TMEM123: variants seen among roughly 807,000 people sequenced by gnomAD.
The protein encoded by TMEM123 is porimin.
TMEM123 carries 16 observed loss-of-function variants against 19.7 expected under a neutral mutation model. That is an observed-to-expected ratio of 0.81 (90% confidence interval 0.55 to 1.23). The LOEUF (loss-of-function observed/expected upper bound fraction) is 1.23, where lower values mean the gene tolerates loss of function less well. Ranked by LOEUF, TMEM123 falls within the 50% of genes most tolerant of loss-of-function variation. The pLI is 0.00. For synonymous variants in TMEM123, 118 were observed against 99.4 expected (o/e 1.19, Z -1.12); for missense variants, 313 against 257.8 (o/e 1.21, Z -1.47).
chr11:102,411,896 C>T (rs1309803704), intron 2 of TMEM123, among the ~76,000 whole-genome samples: 2 of 152,158 alleles, frequency 1.3e-5, no homozygotes, highest in African/African-American at 4.8e-5. Flanking sequence ...GGGGGGCACC[C>T]AAGGTATGTC....
chr11:102,410,050 A>C (rs970107008), intron 2 of TMEM123, among the ~76,000 whole-genome samples: 2 of 152,246 alleles, frequency 1.3e-5, no homozygotes, highest in African/African-American at 4.8e-5. Context: ...ATATGATCAC[A>C]GAAAAGTAAC....
chr11:102,442,018 C>G (rs934166031), intron 2 of TMEM123, among the ~76,000 whole-genome samples: 1 of 152,090 alleles, frequency 6.6e-6, no homozygotes, highest in Non-Finnish European at 1.5e-5. Flanking sequence ...TTGAATCCCT[C>G]ACTAGACCAA....
intron 1 of TMEM123, among the ~76,000 whole-genome samples, chr11:102,450,379 T>C (rs984181661): frequency 2.0e-5 from 3 of 152,196 alleles, no homozygotes; most frequent in African/African-American, 2.4e-5. Flanking sequence ...CTAAGAGTAA[T>C]GACTAACAGC....
At chr11:102,422,327 A>G (rs1401326667) in intron 2 of TMEM123, among the ~76,000 whole-genome samples, 2 of 152,138 alleles carry the variant, frequency 1.3e-5, no homozygotes, top group Admixed American at 6.5e-5. Context: ...ATACAAAATT[A>G]GCCAGGTGTG....
At chr11:102,428,411 C>T (rs920763445) in intron 2 of TMEM123, among the ~76,000 whole-genome samples, 1 of 152,014 alleles carries the variant, frequency 6.6e-6, no homozygotes, top group African/African-American at 2.4e-5. Context: ...AAGCAATTCT[C>T]CTGCCTCAGC....
At chr11:102,451,301 G>A (rs1184329657) in intron 1 of TMEM123, 1 of 152,018 alleles carries the variant, frequency 6.6e-6, no homozygotes, top group African/African-American at 2.4e-5. Context: ...GAGATAATTG[G>A]TATAAAATTA....
intron 2 of TMEM123, among the ~76,000 whole-genome samples, chr11:102,441,251 G>A (rs960163969): frequency 2.6e-5 from 4 of 152,164 alleles, no homozygotes; most frequent in African/African-American, 9.7e-5. Flanking sequence ...ATTCTTCTCA[G>A]CACCACATCG....
chr11:102,427,182 C>T (rs967704294), intron 2 of TMEM123, among the ~76,000 whole-genome samples: 3 of 151,236 alleles, frequency 2.0e-5, no homozygotes, highest in Non-Finnish European at 4.4e-5. Context: ...GTTGTTCAAA[C>T]ACAGTTGGCT....
intron 2 of TMEM123, among the ~76,000 whole-genome samples, chr11:102,409,672 G>A (rs1004627204): frequency 6.6e-6 from 1 of 152,044 alleles, no homozygotes; most frequent in Non-Finnish European, 1.5e-5. Flanking sequence ...TCAGGAATTC[G>A]AGACCAGCCT....
chr11:102,441,916 T>C (rs1016618086), intron 2 of TMEM123, among the ~76,000 whole-genome samples: 5 of 152,094 alleles, frequency 3.3e-5, no homozygotes, highest in South Asian at 2.1e-4. Flanking sequence ...GAGAATACTA[T>C]AAACACCTCT....
intron 2 of TMEM123, among the ~76,000 whole-genome samples, chr11:102,409,747 G>A (rs548230263): frequency 3.3e-5 from 5 of 152,002 alleles, no homozygotes; most frequent in Admixed American, 6.6e-5. Flanking sequence ...GGTGGCGGGC[G>A]TCTGTAATCC....
intron 2 of TMEM123, among the ~76,000 whole-genome samples, chr11:102,434,676 T>G (rs1015151607): frequency 1.3e-5 from 2 of 151,902 alleles, no homozygotes; most frequent in African/African-American, 4.8e-5. Flanking sequence ...GTTGTGTAGT[T>G]TTTCCTATTT....
At chr11:102,422,925 A>T (rs1242736022) in intron 2 of TMEM123, among the ~76,000 whole-genome samples, 3 of 152,208 alleles carry the variant, frequency 2.0e-5, no homozygotes, top group Non-Finnish European at 4.4e-5. Flanking sequence ...CCCAGAACAG[A>T]GCTGAAAGAT....
intron 2 of TMEM123, among the ~76,000 whole-genome samples, chr11:102,424,009 A>T (rs1952106234): frequency 6.6e-6 from 1 of 152,194 alleles, no homozygotes; most frequent in Admixed American, 6.5e-5. Flanking sequence ...GAACAAAATG[A>T]CTTTAATTTT....
chr11:102,409,198 G>A (rs896079318), intron 2 of TMEM123, among the ~76,000 whole-genome samples: 1 of 152,026 alleles, frequency 6.6e-6, no homozygotes, highest in Non-Finnish European at 1.5e-5. Flanking sequence ...TCATTTCCTA[G>A]TATAGTTGTC....
rs566921898 is a variant in TMEM123, at chr11:102,409,259, T to G, written c.158-7053A>C. 5.3e-5 allele frequency among the ~76,000 whole-genome samples: 8 copies of G among 152,298 alleles called. No individual in the cohort carries two copies. In the East Asian group the frequency reaches 1.5e-3, roughly 29 times the overall value. On this transcript the variant is annotated intron_variant, in intron 2 of 4. Transcript: ENST00000398136. ...AAACCATAAATTTCTGGTGCCATAG[T>G]TATTTTGAGGGGTCTGTGATTCTAA...
intron 1 of TMEM123, chr11:102,452,208 A>C: frequency 3.8e-6 from 1 of 263,658 alleles, no homozygotes; most frequent in Non-Finnish European, 7.1e-6. Flanking sequence ...GCAAACATTA[A>C]CTTCAGGGAA....
At chr11:102,424,724 A>G (rs1952112190) in intron 2 of TMEM123, among the ~76,000 whole-genome samples, 1 of 152,106 alleles carries the variant, frequency 6.6e-6, no homozygotes, top group Non-Finnish European at 1.5e-5. Flanking sequence ...GAGGGGAGTC[A>G]GGGCACAGAA....
rs574280582 is a variant in TMEM123, at chr11:102,423,827, G to A, written c.158-21621C>T. ...TAGGGAGGTATTGGGAAGACAAAGG[G>A]AGGGAGGAACGCATACTTATTTTTT... On this transcript the variant is annotated intron_variant, in intron 2 of 4. Coordinates refer to ENST00000398136, the MANE Select transcript of TMEM123 (RefSeq NM_052932.3). Among the ~76,000 whole-genome samples the A allele has an allele frequency of 5.3e-5, 8 of 152,308 alleles. No individual in the cohort carries two copies. The East Asian group carries it at 1.5e-3, about 29-fold the overall frequency.
Sources: allele counts gnomAD v4.1 joint callset (sites outside exome capture counted in the v4.1 genomes callset), GRCh38; gene constraint gnomAD v4.1.1; transcripts MANE v1.5; gene names NCBI Gene and HGNC (gene_info 2026-07-23, HGNC 2026-07-21).